The following SLC35F3 variants were observed in gnomAD, a reference collection of about 807,000 sequenced individuals.
SLC35F3 encodes the protein putative thiamine transporter SLC35F3.
A neutral mutation model predicts 49.9 loss-of-function variants in SLC35F3; 25 were observed. That is an observed-to-expected ratio of 0.50 (90% CI 0.37 to 0.70). The LOEUF (loss-of-function observed/expected upper bound fraction) is 0.70, where lower values mean the gene tolerates loss of function less well. SLC35F3 is among the 30% of genes least tolerant of loss of function. The pLI, the probability that SLC35F3 is intolerant of heterozygous loss-of-function variation, is 0.00. For synonymous variants in SLC35F3, 275 were observed against 265.4 expected (o/e 1.04, Z -0.35); for missense variants, 525 against 639.8 (o/e 0.82, Z 1.94).
At chr1:234,247,365 AG>A (rs1050090791) in intron 3 of SLC35F3, among the ~76,000 whole-genome samples, 12 of 150,330 alleles carry the variant, frequency 8.0e-5, no homozygotes, top group African/African-American at 2.9e-4. Flanking sequence ...ATTGTTCGGT[AG>A]GTTGGTTGGC....
intron 2 of SLC35F3, among the ~76,000 whole-genome samples, chr1:234,073,259 TC>T (rs1420296598): frequency 6.6e-6 from 1 of 152,144 alleles, no homozygotes; most frequent in African/African-American, 2.4e-5. Context: ...TCCTCCCACC[TC>T]AGCTTCCCAT....
rs187993150 is a variant in SLC35F3 at position 234,101,895 on chromosome 1, G to C, written c.284-129522G>C. On this transcript the variant is annotated intron_variant, in intron 2 of 7. Coordinates refer to ENST00000366618, the MANE Select transcript of SLC35F3 (RefSeq NM_173508.4). ...TTTTATTTTGCTGTAGCAATATCAGGATAAACTTAAAATAGGCCACAGGCA... is the reference window on the plus strand; with the variant it reads ...TTTTATTTTGCTGTAGCAATATCAGCATAAACTTAAAATAGGCCACAGGCA... 2.6e-5 allele frequency among the ~76,000 whole-genome samples: 4 copies of C among 152,306 alleles called. No homozygotes were observed. The East Asian group carries it at 7.7e-4, about 29-fold the overall frequency.
intron 3 of SLC35F3, among the ~76,000 whole-genome samples, chr1:234,302,719 G>A (rs548699297): frequency 7.2e-5 from 11 of 152,080 alleles, no homozygotes; most frequent in Non-Finnish European, 1.5e-4. Context: ...GGGTCTTTTC[G>A]TCTGTCTGGG....
intron 2 of SLC35F3, among the ~76,000 whole-genome samples, chr1:233,971,270 C>T (rs1219195440): frequency 3.3e-5 from 5 of 152,212 alleles, no homozygotes; most frequent in Non-Finnish European, 5.9e-5. Flanking sequence ...CAGTTCCCTC[C>T]GACTAAAACT....
chr1:234,125,659 A>G (rs914356686), intron 2 of SLC35F3, among the ~76,000 whole-genome samples: 3 of 151,900 alleles, frequency 2.0e-5, no homozygotes, highest in South Asian at 2.1e-4. Flanking sequence ...CTGTTTCTCA[A>G]TCCCCCTTCT....
Position 234,323,486 on chromosome 1 carries a change from G to C in SLC35F3, c.*243G>C. ...TGCTTTTCCAACGAATGTAAAGTGG[G>C]TTTAAAAGTTCCCTGCGTAGATCGT... On this transcript the variant is annotated 3_prime_UTR_variant, in exon 8 of 8. Transcript: ENST00000366618. The surrounding 1 kb of genome is among the most constrained non-coding windows in gnomAD (Gnocchi z 4.5). 1.9e-6 allele frequency: 1 copy of C among 536,896 alleles called. No homozygotes were observed. Among genetic ancestry groups the C allele is most frequent in the South Asian group, 2.3e-5 (1 of 43,390 alleles). The allele number at this position is 536,896 out of a possible 1,614,324, so 33.3% of individuals were successfully genotyped here.
At chr1:234,287,153 C>A (rs1668435206) in intron 3 of SLC35F3, among the ~76,000 whole-genome samples, 1 of 152,072 alleles carries the variant, frequency 6.6e-6, no homozygotes, top group Non-Finnish European at 1.5e-5. Context: ...GAGCTATGAT[C>A]AATCCACTGC....
At chr1:234,062,809 T>A (rs1433874926) in intron 2 of SLC35F3, among the ~76,000 whole-genome samples, 1 of 151,366 alleles carries the variant, frequency 6.6e-6, no homozygotes, top group Non-Finnish European at 1.5e-5. Context: ...TCTCCCTGAG[T>A]AGCTGGGACT....
At position 234,039,860 on chromosome 1, in the gene SLC35F3, G is replaced by A. The variant is rs541557332; in HGVS notation, c.283+134102G>A. Among the ~76,000 whole-genome samples, 60 of 152,264 alleles carry A rather than the reference G, an allele frequency of 3.9e-4. 1 individual carries two copies. Among genetic ancestry groups the A allele is most frequent in the African/African-American group, 1.3e-3 (53 of 41,554 alleles). On this transcript the variant is annotated intron_variant, in intron 2 of 7. Coordinates refer to ENST00000366618, the MANE Select transcript of SLC35F3 (RefSeq NM_173508.4). ...GCCTGCAACCCCAAGGCCCCAGAAG[G>A]CACCGTTACAATGCTCTCTTAGTTC...
intron 3 of SLC35F3, among the ~76,000 whole-genome samples, chr1:234,271,017 C>T (rs1237915482): frequency 2.6e-5 from 4 of 152,236 alleles, no homozygotes; most frequent in African/African-American, 9.6e-5. Context: ...ACAACTCCAA[C>T]AGCAGAATAA....
rs1385499241 is a variant in SLC35F3, at chr1:234,231,758, T to A, written c.608+17T>A. ...GCGATACAGGTAGGCGCGTCCTGCA[T>A]GAGGAGGCCTCCTGACCCCGGGCTG... On this transcript the variant is annotated intron_variant, in intron 3 of 7. Transcript: ENST00000366618. This position sits in a 1 kb window ranked among gnomAD's most constrained non-coding sequence, Gnocchi z 5.4. 1.3e-6 allele frequency: 2 copies of A among 1,578,920 alleles called. No individual in the cohort carries two copies.
intron 2 of SLC35F3, among the ~76,000 whole-genome samples, chr1:234,192,801 G>A (rs544579278): frequency 1.9e-4 from 29 of 152,212 alleles, no homozygotes; most frequent in Middle Eastern, 3.4e-3. Context: ...CACCAACAGC[G>A]ACCAAGTTGA....
rs58786710 is a variant in SLC35F3 at position 233,916,017 on chromosome 1, G to A, written c.283+10259G>A. On this transcript the variant is annotated intron_variant, in intron 2 of 7. Transcript: ENST00000366618. ...GCAGCATTCTGTTCATGCTGTGCACGTGTGGGAGTTTAATAAACATTTTCC... is the reference window on the plus strand; with the variant it reads ...GCAGCATTCTGTTCATGCTGTGCACATGTGGGAGTTTAATAAACATTTTCC... Among the ~76,000 whole-genome samples the A allele has an allele frequency of 2.4e-3, 365 of 152,326 alleles. 14 individuals are homozygous for A. The East Asian group carries it at 0.056, about 23-fold the overall frequency.
intron 2 of SLC35F3, among the ~76,000 whole-genome samples, chr1:233,954,005 C>G (rs1378778562): frequency 6.6e-6 from 1 of 151,408 alleles, no homozygotes; most frequent in East Asian, 1.9e-4. Flanking sequence ...AAAACTAGAG[C>G]CTCTTTTTTT....
At position 234,323,224 on chromosome 1, in the gene SLC35F3, G is replaced by C. The variant is rs760599699; in HGVS notation, c.1454G>C (p.Arg485Pro). The change falls in exon 8 of 8, where the codon CGC (arginine) becomes CCC (proline). Residue 485 changes from arginine (R) to proline (P), a missense_variant. By Grantham distance (103) the Arg-to-Pro change is moderately radical (BLOSUM62 -2). This residue lies in a region of SLC35F3 where 76 missense variants were observed against 95.6 expected (regional missense o/e 0.80). Coordinates refer to ENST00000366618, the MANE Select transcript of SLC35F3 (RefSeq NM_173508.4). The surrounding 1 kb of genome is among the most constrained non-coding windows in gnomAD (Gnocchi z 4.5). ...CCTCAGAGCAAGAACAGAAGAGCCC[G>C]CCCTTCCTTCGCCCGCTAACACCAC... ...SGPQSKNRRA[R>P]PSFAR 6.2e-7 allele frequency: 1 copy of C among 1,613,896 alleles called. No homozygotes were observed. The highest frequency in any genetic ancestry group is 8.5e-7 in the Non-Finnish European group (1 of 1,179,914).
At chr1:234,062,881 T>A (rs1481267816) in intron 2 of SLC35F3, among the ~76,000 whole-genome samples, 2 of 149,072 alleles carry the variant, frequency 1.3e-5, no homozygotes, top group Admixed American at 1.3e-4. Flanking sequence ...AGTAGAGACG[T>A]GGTTTCACCG....
chr1:234,166,488 C>T (rs1666323049), intron 2 of SLC35F3, among the ~76,000 whole-genome samples: 1 of 152,170 alleles, frequency 6.6e-6, no homozygotes, highest in African/African-American at 2.4e-5. Flanking sequence ...TCACCTCTCA[C>T]CCTTGCAGGA....
chr1:233,905,421 C>G, intron 1 of SLC35F3, 108 bp from the exon 2 acceptor site: 1 of 886,842 alleles, frequency 1.1e-6, no homozygotes, highest in Non-Finnish European at 1.7e-6. Context: ...CCCGGAGGGC[C>G]CCGGCCGCGC....
At chr1:234,289,385 A>G (rs1168538892) in intron 3 of SLC35F3, among the ~76,000 whole-genome samples, 2 of 152,204 alleles carry the variant, frequency 1.3e-5, no homozygotes, top group Non-Finnish European at 2.9e-5. Context: ...CCACCGGGCT[A>G]CTAGAATTAA....
Sources: gnomAD v4.1 joint callset for allele counts (sites outside exome capture counted in the v4.1 genomes callset) on GRCh38, gnomAD v4.1.1 for gene constraint, gnomAD v4.1.1 regional missense constraint, Gnocchi (gnomAD v3.1) non-coding constraint, MANE v1.5 for transcripts, NCBI Gene and HGNC (gene_info 2026-07-23, HGNC 2026-07-21) for gene names.